FIRRM: variants seen among roughly 807,000 people sequenced by gnomAD.
The protein encoded by FIRRM is FIGNL1-interacting regulator of recombination and mitosis.
At chr1:169,839,659 A>G in the FIRRM span, among the ~76,000 whole-genome samples, 16 of 152,140 alleles carry the variant, frequency 1.1e-4, no homozygotes, top group Non-Finnish European at 1.9e-4. Context: ...TGTCACATGC[A>G]TAGTTTGCAA....
the FIRRM span, among the ~76,000 whole-genome samples, chr1:169,823,961 A>G: frequency 1.0e-2 from 1,517 of 152,308 alleles, 26 homozygotes; most frequent in African/African-American, 0.035. Context: ...AGTGACTTCT[A>G]AAATTGATGG....
chr1:169,833,783 TAGA>T, the FIRRM span, among the ~76,000 whole-genome samples: 1 of 148,756 alleles, frequency 6.7e-6, no homozygotes, highest in Non-Finnish European at 1.5e-5. Flanking sequence ...CCAGATATCT[TAGA>T]AGAAGTGGGA....
the FIRRM span, among the ~76,000 whole-genome samples, chr1:169,785,781 G>A: frequency 1.3e-5 from 2 of 152,258 alleles, no homozygotes; most frequent in East Asian, 1.9e-4. Context: ...CAGGCTTGAA[G>A]GTGGGGCCTT....
At chr1:169,787,689 T>C in the FIRRM span, among the ~76,000 whole-genome samples, 4 of 152,190 alleles carry the variant, frequency 2.6e-5, no homozygotes, top group Non-Finnish European at 4.4e-5. Context: ...ACAAGTAACA[T>C]TGAACCATTT....
At chr1:169,846,247 A>T in the FIRRM span, among the ~76,000 whole-genome samples, 1 of 152,206 alleles carries the variant, frequency 6.6e-6, no homozygotes, top group Non-Finnish European at 1.5e-5. Context: ...GTATGCCATC[A>T]TCCTGGCTTT....
the FIRRM span, chr1:169,803,161 A>G: frequency 6.2e-7 from 1 of 1,612,060 alleles, no homozygotes; most frequent in Non-Finnish European, 8.5e-7. Context: ...TTCCTTCCTT[A>G]TTCACAGACA....
chr1:169,852,004 A>T, the FIRRM span: 2 of 1,607,522 alleles, frequency 1.2e-6, no homozygotes, highest in Non-Finnish European at 1.7e-6. Flanking sequence ...CTTACTGACG[A>T]AACAAACCAG....
At chr1:169,822,191 C>G in the FIRRM span, among the ~76,000 whole-genome samples, 36 of 152,240 alleles carry the variant, frequency 2.4e-4, no homozygotes, top group African/African-American at 8.7e-4. Flanking sequence ...GAATACAAAC[C>G]CTGCAAGCTG....
At chr1:169,820,430 C>CGTCA in the FIRRM span, among the ~76,000 whole-genome samples, 3 of 152,148 alleles carry the variant, frequency 2.0e-5, no homozygotes, top group African/African-American at 7.2e-5. Context: ...CACCCACAGC[C>CGTCA]GTCAGCAGGA....
chr1:169,840,331 G>A, the FIRRM span, among the ~76,000 whole-genome samples: 2 of 152,058 alleles, frequency 1.3e-5, no homozygotes, highest in African/African-American at 4.8e-5. Flanking sequence ...CCATTTTAAT[G>A]ATACTGACTC....
At chr1:169,791,181 G>A in the FIRRM span, among the ~76,000 whole-genome samples, 3 of 152,220 alleles carry the variant, frequency 2.0e-5, no homozygotes, top group Admixed American at 6.5e-5. Context: ...CCACGGCGCA[G>A]GCATCAGGGA....
chr1:169,793,722 A>C, the FIRRM span: 1 of 1,531,220 alleles, frequency 6.5e-7, no homozygotes, highest in Non-Finnish European at 8.8e-7. Context: ...CACAATCTTT[A>C]AATTCAGATT....
At chr1:169,844,619 A>C in the FIRRM span, among the ~76,000 whole-genome samples, 16,029 of 152,270 alleles carry the variant, frequency 0.11, 1,017 homozygotes, top group Admixed American at 0.18. Flanking sequence ...AGCAATAACA[A>C]GTATGTCCTA....
chr1:169,829,409 C>A, the FIRRM span: 1 of 1,613,386 alleles, frequency 6.2e-7, no homozygotes, highest in East Asian at 2.2e-5. Flanking sequence ...CATCTGTGTA[C>A]ATTTATTACT....
At chr1:169,837,093 T>C in the FIRRM span, 13 of 1,587,378 alleles carry the variant, frequency 8.2e-6, no homozygotes, top group Admixed American at 1.9e-5. Flanking sequence ...AGTCGTACTT[T>C]GGGAGAACTA....
chr1:169,852,152 T>C, the FIRRM span: 1 of 622,972 alleles, frequency 1.6e-6, no homozygotes, highest in East Asian at 2.9e-5. Flanking sequence ...GTTTGAATTA[T>C]TGGTAGTAAC....
chr1:169,836,392 C>T, the FIRRM span, among the ~76,000 whole-genome samples: 2 of 152,134 alleles, frequency 1.3e-5, no homozygotes, highest in East Asian at 3.9e-4. Context: ...CAACCACGCT[C>T]TTTTTGATTT....
chr1:169,832,808 A>G, the FIRRM span, among the ~76,000 whole-genome samples: 3 of 151,868 alleles, frequency 2.0e-5, no homozygotes, highest in East Asian at 1.9e-4. Context: ...GGGTCTCACT[A>G]TGTTGCCTAG....
the FIRRM span, among the ~76,000 whole-genome samples, chr1:169,822,622 C>G: frequency 6.6e-6 from 1 of 152,058 alleles, no homozygotes; most frequent in African/African-American, 2.4e-5. Context: ...GCCTCAGCCT[C>G]CCGAGGAGCT....
Sources: allele counts gnomAD v4.1 joint callset (sites outside exome capture counted in the v4.1 genomes callset), GRCh38; gene constraint gnomAD v4.1.1; transcripts MANE v1.5; gene names NCBI Gene and HGNC (gene_info 2026-07-23, HGNC 2026-07-21).